RAD51B: variants seen among roughly 807,000 people sequenced by gnomAD.
RAD51B encodes the protein DNA repair protein RAD51 homolog 2.
Under a neutral mutation model 42.2 loss-of-function variants are expected in RAD51B, and 38 were observed. The ratio of observed to expected loss-of-function variants is 0.90; its 90% CI spans 0.70 to 1.18. RAD51B has a LOEUF of 1.18. Among genes scored for constraint, RAD51B ranks in the 50% most tolerant of loss-of-function variants. The pLI is 0.00. For synonymous variants in RAD51B, 154 were observed against 145.2 expected, an observed-to-expected ratio of 1.06 and a Z score of -0.43; for missense variants, 373 against 400.7, an observed-to-expected ratio of 0.93 and a Z score of 0.59.
intron 7 of RAD51B, among the ~76,000 whole-genome samples, chr14:68,234,284 T>C (rs1416882507): frequency 2.0e-5 from 3 of 152,194 alleles, no homozygotes; most frequent in African/African-American, 7.2e-5. Context: ...TTGTAACATG[T>C]TGAGTTTAAA....
intron 7 of RAD51B, among the ~76,000 whole-genome samples, chr14:68,040,616 C>T (rs1007632652): frequency 1.3e-5 from 2 of 152,162 alleles, no homozygotes; most frequent in Non-Finnish European, 2.9e-5. Context: ...CTTGTTTGTT[C>T]CTCACATCAA....
At chr14:67,851,981 C>T (rs368552369) in intron 4 of RAD51B, among the ~76,000 whole-genome samples, 6 of 152,062 alleles carry the variant, frequency 3.9e-5, no homozygotes, top group Non-Finnish European at 8.8e-5. Context: ...CTGCATCCTG[C>T]TGGAGGTCTA....
At chr14:68,602,270 C>T (rs1233527058) in intron 10 of RAD51B, among the ~76,000 whole-genome samples, 2 of 151,976 alleles carry the variant, frequency 1.3e-5, no homozygotes, top group Admixed American at 6.6e-5. Context: ...CTGGGACACA[C>T]AAACATAGAC....
intron 11 of RAD51B, among the ~76,000 whole-genome samples, chr14:68,675,937 A>G (rs1035239755): frequency 8.5e-5 from 13 of 152,188 alleles, no homozygotes; most frequent in Non-Finnish European, 1.5e-5. Flanking sequence ...GCAGTAGTCA[A>G]CCTAGGGCAG....
At chr14:68,184,617 A>AAC (rs2079119687) in intron 7 of RAD51B, among the ~76,000 whole-genome samples, 1 of 58,658 alleles carries the variant, frequency 1.7e-5, no homozygotes, top group African/African-American at 4.9e-5. Context: ...CTAAAAAAAA[A>AAC]AAAAAACCAA....
At chr14:68,029,892 G>T (rs963541163) in intron 7 of RAD51B, among the ~76,000 whole-genome samples, 3 of 152,148 alleles carry the variant, frequency 2.0e-5, no homozygotes, top group Admixed American at 6.5e-5. Context: ...CTACAGAATG[G>T]GTCTTGTGTT....
rs868175519 is a variant in RAD51B at position 68,495,932 on chromosome 14, A to C, written c.1036+27682A>C. Among the ~76,000 whole-genome samples the C allele has an allele frequency of 3.3e-5, 5 of 152,238 alleles. No individual in the cohort carries two copies. In the South Asian group the frequency reaches 6.2e-4, roughly 19 times the overall value. The stretch of plus-strand genomic sequence containing the variant: ...AAGTCCAGTGGCTTTAAGAGTCATT[A>C]TGAAAATTTCACACAAAAAGGCACA... On this transcript the variant is annotated intron_variant, in intron 10 of 10. Transcript: ENST00000487270.
chr14:68,413,372 C>T (rs1195882733), intron 9 of RAD51B, among the ~76,000 whole-genome samples: 2 of 152,162 alleles, frequency 1.3e-5, no homozygotes, highest in Non-Finnish European at 2.9e-5. Flanking sequence ...ACTCCCATCC[C>T]ATTAGATGGG....
chr14:68,415,617 A>T lies in RAD51B; in HGVS notation c.957+4090A>T, dbSNP rs1341922192. Among the ~76,000 whole-genome samples, 9 of 152,166 alleles carry T rather than the reference A, an allele frequency of 5.9e-5. No individual in the cohort carries two copies. In the South Asian group the frequency reaches 1.7e-3, roughly 28 times the overall value. On this transcript the variant is annotated intron_variant, in intron 9 of 10. Coordinates refer to ENST00000471583, the MANE Select transcript of RAD51B (RefSeq NM_133510.4). ...GAGATGGGGGGTCCTGGCACTAAGG[A>T]AGGTTCTCTAGCGATGAATGAGGCA...
intron 7 of RAD51B, among the ~76,000 whole-genome samples, chr14:68,126,164 G>A (rs1156675585): frequency 6.6e-6 from 1 of 151,696 alleles, no homozygotes; most frequent in Admixed American, 6.6e-5. Context: ...ACCTTTTTTT[G>A]TGCTAATAAT....
chr14:68,306,244 T>C, intron 8 of RAD51B, among the ~76,000 whole-genome samples: 1 of 152,248 alleles, frequency 6.6e-6, no homozygotes, highest in East Asian at 1.9e-4. Flanking sequence ...CATTTTGGGT[T>C]GGCTTAGAGG....
chr14:68,512,037 C>A (rs1338052384), intron 10 of RAD51B, among the ~76,000 whole-genome samples: 10 of 152,206 alleles, frequency 6.6e-5, no homozygotes, highest in Non-Finnish European at 7.3e-5. Flanking sequence ...CTTTTCCCCC[C>A]AAAATCTAGG....
At chr14:68,120,173 T>G (rs1035326565) in intron 7 of RAD51B, among the ~76,000 whole-genome samples, 12 of 152,116 alleles carry the variant, frequency 7.9e-5, no homozygotes, top group African/African-American at 2.9e-4. Flanking sequence ...GTTGTTTGTT[T>G]TTTTCTTGTA....
intron 9 of RAD51B, among the ~76,000 whole-genome samples, chr14:68,450,498 C>T (rs1158373523): frequency 1.3e-5 from 2 of 152,082 alleles, no homozygotes; most frequent in African/African-American, 4.8e-5. Context: ...GGATTATAGG[C>T]GTGAACCACC....
At chr14:68,026,651 A>G (rs2075961214) in intron 7 of RAD51B, among the ~76,000 whole-genome samples, 1 of 152,120 alleles carries the variant, frequency 6.6e-6, no homozygotes, top group Non-Finnish European at 1.5e-5. Flanking sequence ...TCTGTCTGAT[A>G]TAAGAATAGT....
chr14:68,577,505 T>TA (rs374739046), intron 10 of RAD51B, among the ~76,000 whole-genome samples: 9,055 of 144,060 alleles, frequency 0.063, 413 homozygotes, highest in African/African-American at 0.14. Context: ...TGATTTTATG[T>TA]AAAAAAAAAA....
At chr14:68,498,233 G>A (rs538687982) in intron 10 of RAD51B, among the ~76,000 whole-genome samples, 6 of 152,260 alleles carry the variant, frequency 3.9e-5, no homozygotes, top group South Asian at 2.1e-4. Flanking sequence ...TAGTCTCCAC[G>A]TGAAGACACA....
chr14:68,158,995 GTTA>G (rs1421984745), intron 7 of RAD51B, among the ~76,000 whole-genome samples: 1 of 151,914 alleles, frequency 6.6e-6, no homozygotes, highest in Non-Finnish European at 1.5e-5. Context: ...CAAAGATTTG[GTTA>G]TTTTTTTTTT....
chr14:68,034,182 C>G (rs930676096), intron 7 of RAD51B, among the ~76,000 whole-genome samples: 1 of 151,778 alleles, frequency 6.6e-6, no homozygotes, highest in African/African-American at 2.4e-5. Flanking sequence ...ACTTTTCATA[C>G]TACTGGAATA....
Sources: allele counts gnomAD v4.1 joint callset (sites outside exome capture counted in the v4.1 genomes callset), GRCh38; gene constraint gnomAD v4.1.1; transcripts MANE v1.5; gene names NCBI Gene and HGNC (gene_info 2026-07-23, HGNC 2026-07-21).